EIF2D: variants seen among roughly 807,000 people sequenced by gnomAD.
EIF2D encodes eukaryotic translation initiation factor 2D, also known as hepatocellular carcinoma-associated antigen 56.
Under a neutral mutation model 77.4 loss-of-function variants are expected in EIF2D, and 56 were observed. That is an observed-to-expected ratio of 0.72 (90% CI 0.58 to 0.90). The LOEUF (loss-of-function observed/expected upper bound fraction) is 0.90. EIF2D is among the 40% of genes least tolerant of loss of function. EIF2D has a pLI of 0.00. For missense variants in EIF2D, 574 were observed against 706.5 expected, an observed-to-expected ratio of 0.81 and a Z score of 2.13; for synonymous variants, 230 against 271.0, an observed-to-expected ratio of 0.85 and a Z score of 1.49.
chr1:206,581,471 C>T (rs1668872026), intron 2 of EIF2D, among the ~76,000 whole-genome samples: 1 of 151,988 alleles, frequency 6.6e-6, no homozygotes, highest in South Asian at 2.1e-4. Context: ...TGGTGGTGCG[C>T]ACCTGTAATC....
intron 12 of EIF2D, among the ~76,000 whole-genome samples, chr1:206,596,179 C>T (rs1558532419): frequency 6.6e-6 from 1 of 152,232 alleles, no homozygotes; most frequent in African/African-American, 2.4e-5. Flanking sequence ...TACTACCTGT[C>T]TCAAGAATGT....
In EIF2D at chr1:206,579,112, A is replaced by G. The variant is rs1411495929; in HGVS notation, c.*254+1580T>C. Among the ~76,000 whole-genome samples, 1 of 152,080 alleles carries G rather than the reference A, an allele frequency of 6.6e-6. No individual in the cohort carries two copies. Among genetic ancestry groups the G allele is most frequent in the Non-Finnish European group, 1.5e-5 (1 of 68,016 alleles). Reference sequence around the variant, plus strand: ...ATCACCTCCAGAGCTAAAAGAAGACATTGCCCTTTTCCACCGCATAGGACA... The same window carrying G: ...ATCACCTCCAGAGCTAAAAGAAGACGTTGCCCTTTTCCACCGCATAGGACA... On this transcript the variant is annotated intron_variant and NMD_transcript_variant, in intron 4 of 5. Transcript: ENST00000472709. This position sits in a 1 kb window ranked among gnomAD's most constrained non-coding sequence, Gnocchi z 4.2.
chr1:206,583,317 G>A lies in EIF2D; in HGVS notation c.139-2155C>T, dbSNP rs1553406784. 1 of 1,613,428 alleles carries A rather than the reference G, an allele frequency of 6.2e-7. No individual in the cohort carries two copies. ...GACACAGCGCCCGCCCACACTGCAGGAGATCAAGCAGAAGATCGACAGCTA... is the reference window on the plus strand; with the variant it reads ...GACACAGCGCCCGCCCACACTGCAGAAGATCAAGCAGAAGATCGACAGCTA... On this transcript the variant is annotated intron_variant and NMD_transcript_variant, in intron 2 of 5. Transcript: ENST00000472709.
intron 14 of EIF2D, 39 bp downstream of exon 14, chr1:206,593,580 G>C: frequency 1.3e-6 from 2 of 1,553,712 alleles, no homozygotes; most frequent in Non-Finnish European, 1.8e-6. Context: ...TCTTTGCTGA[G>C]CTAGACCAAT....
At chr1:206,585,129 C>A in intron 2 of EIF2D, 1 of 1,409,766 alleles carries the variant, frequency 7.1e-7, no homozygotes, top group Non-Finnish European at 1.0e-6. Context: ...AAGCCTGGGC[C>A]CCGCCCTTCT....
At position 206,593,508 on chromosome 1, in the gene EIF2D, A is replaced by AGTGTGTGTGTGT. The variant is rs782562616; in HGVS notation, c.1684+99_1684+110dup. The AGTGTGTGTGTGT allele has an allele frequency of 3.0e-3, 1,203 of 400,638 alleles. 7 individuals carry two copies. The highest frequency in any genetic ancestry group is 3.4e-3 in the South Asian group (75 of 21,954). 24.8% of individuals were successfully genotyped at this position (400,638 alleles called of 1,614,324 possible). On this transcript the variant is annotated intron_variant, in intron 14 of 14. Coordinates refer to ENST00000271764, the MANE Select transcript of EIF2D (RefSeq NM_006893.3). ...GAGAGCGAGAGAGAGAGAGAGAGAG[A>AGTGTGTGTGTGT]GTGTGTGTGTGTGTGTGTGTGTGTG...
chr1:206,593,596 C>T (rs537220791), intron 14 of EIF2D, 23 bp downstream of exon 14: 9 of 1,574,784 alleles, frequency 5.7e-6, no homozygotes, highest in East Asian at 2.3e-5. Context: ...CCAATGCCTC[C>T]ACTCTTCAGA....
chr1:206,598,905 T>A (rs1263170849), intron 11 of EIF2D, 98 bp downstream of exon 11: 1 of 1,225,890 alleles, frequency 8.2e-7, no homozygotes, highest in Non-Finnish European at 1.2e-6. Context: ...GATGCTATGG[T>A]TTTCTATTCT....
At position 206,584,689 on chromosome 1, in the gene EIF2D, GAGAA is replaced by G. The variant is rs2103572179; in HGVS notation, c.139-3531_139-3528del. The stretch of plus-strand genomic sequence containing the variant: ...GGATACACAAGGACGGACAAGGTAG[GAGAA>G]AGAGTGAACCCAACCAGACCGTTCC... On this transcript the variant is annotated intron_variant and NMD_transcript_variant, in intron 2 of 5. Transcript: ENST00000472709. The surrounding 1 kb of genome is among the most constrained non-coding windows in gnomAD (Gnocchi z 4.9). 6.2e-7 allele frequency: 1 copy of G among 1,614,172 alleles called. No individual in the cohort carries two copies. Among genetic ancestry groups the G allele is most frequent in the Non-Finnish European group, 8.5e-7 (1 of 1,180,024 alleles).
At chr1:206,573,462 AG>A (rs1260157040) in intron 4 of EIF2D, among the ~76,000 whole-genome samples, 5 of 152,228 alleles carry the variant, frequency 3.3e-5, no homozygotes, top group African/African-American at 1.2e-4. Flanking sequence ...GACGCCATAG[AG>A]GGCAAGACAG....
chr1:206,608,651 A>G (rs1553413215), intron 3 of EIF2D, among the ~76,000 whole-genome samples: 1 of 152,164 alleles, frequency 6.6e-6, no homozygotes. Context: ...CCCTTCACCC[A>G]TCCAATAGCA....
intron 3 of EIF2D, among the ~76,000 whole-genome samples, chr1:206,608,535 A>T (rs1203952916): frequency 6.6e-6 from 1 of 152,258 alleles, no homozygotes; most frequent in African/African-American, 2.4e-5. Context: ...AAAAATGGCA[A>T]CTTCAGTATC....
chr1:206,599,012 T>C lies in EIF2D; in HGVS notation c.1283A>G (p.Asp428Gly). Residue 428 changes from aspartate (D) to glycine (G), a missense_variant, in exon 11 of 15, where the codon GAC becomes GGC. Asp to Gly is a moderately conservative substitution (Grantham distance 94, BLOSUM62 -1). Transcript: ENST00000271764. The surrounding 1 kb of genome is among the most constrained non-coding windows in gnomAD (Gnocchi z 4.1). ...YAKKNDLVDA[D>G]NKNLVRLDPI... The stretch of plus-strand genomic sequence containing the variant: ...CTTCTCATGCACTCACTTTTTGTTG[T>C]CTGCATCAACCAGGTCATTTTTCTT... 6.2e-7 allele frequency: 1 copy of C among 1,614,196 alleles called. No homozygotes were observed.
rs1402174901 is a variant in EIF2D at position 206,592,497 on chromosome 1, G to T, written c.1685-652C>A. Among the ~76,000 whole-genome samples the T allele has an allele frequency of 6.6e-6, 1 of 152,158 alleles. No individual in the cohort carries two copies. The highest frequency in any genetic ancestry group is 1.5e-5 in the Non-Finnish European group (1 of 68,024). ...TCTTAGGCAAGGGGATAGCCCAGGCGGAAGCACATGTGGGTGAACATGCAA... is the reference window on the plus strand; with the variant it reads ...TCTTAGGCAAGGGGATAGCCCAGGCTGAAGCACATGTGGGTGAACATGCAA... On this transcript the variant is annotated intron_variant, in intron 14 of 14. Coordinates refer to ENST00000271764, the MANE Select transcript of EIF2D (RefSeq NM_006893.3). The surrounding 1 kb of genome is among the most constrained non-coding windows in gnomAD (Gnocchi z 4.7).
intron 4 of EIF2D, among the ~76,000 whole-genome samples, chr1:206,574,710 T>C (rs1011313044): frequency 6.6e-6 from 1 of 152,154 alleles, no homozygotes; most frequent in African/African-American, 2.4e-5. Context: ...CCTGTGGAAA[T>C]CAACCCCTTC....
chr1:206,612,321 C>T lies in EIF2D; in HGVS notation c.22G>A (p.Val8Ile). The T allele has an allele frequency of 1.2e-6, 2 of 1,614,266 alleles. No individual in the cohort carries two copies. The change falls in exon 1 of 15, where the codon GTC becomes ATC. Residue 8 changes from valine to isoleucine, a missense_variant. Physicochemically the swap from Val to Ile is conservative, Grantham distance 29 (BLOSUM62 3). Coordinates refer to ENST00000271764, the MANE Select transcript of EIF2D (RefSeq NM_006893.3). ...CCCTTGATGGCCGTGTTGGACTTGA[C>T]CCGAAAGGCCTTGGCAAACATGTCT... The part of the protein sequence containing the change: MFAKAFR[V>I]KSNTAIKGSD...
At chr1:206,600,961 C>T (rs1043979266) in intron 7 of EIF2D, 1 of 152,282 alleles carries the variant, frequency 6.6e-6, no homozygotes, top group Non-Finnish European at 1.5e-5. Context: ...CTGACCCCTG[C>T]ACTACAGCAA....
rs782815336 is a variant in EIF2D at position 206,603,221 on chromosome 1, T to A, written c.531-17A>T. On this transcript the variant is annotated splice_polypyrimidine_tract_variant and intron_variant, in intron 5 of 14. Coordinates refer to ENST00000271764, the MANE Select transcript of EIF2D (RefSeq NM_006893.3). The stretch of plus-strand genomic sequence containing the variant: ...CCAGACCGCCTGGAAAAATCTCATG[T>A]CAGAAACATCAAGCAGCAGCTCCAA... 6.2e-7 allele frequency: 1 copy of A among 1,610,602 alleles called. No homozygotes were observed. Among genetic ancestry groups the A allele is most frequent in the Non-Finnish European group, 8.5e-7 (1 of 1,177,394 alleles).
intron 5 of EIF2D, among the ~76,000 whole-genome samples, chr1:206,603,763 G>A (rs1461517470): frequency 6.6e-6 from 1 of 152,164 alleles, no homozygotes; most frequent in Non-Finnish European, 1.5e-5. Context: ...CTAAGCCTTA[G>A]GAAGACAGGA....
Sources: allele counts gnomAD v4.1 joint callset (sites outside exome capture counted in the v4.1 genomes callset), GRCh38; gene constraint gnomAD v4.1.1; non-coding constraint Gnocchi (gnomAD v3.1); transcripts MANE v1.5; gene names NCBI Gene and HGNC (gene_info 2026-07-23, HGNC 2026-07-21).